Variants in ASTN2 observed in about 807,000 individuals in gnomAD.
The protein encoded by ASTN2 is astrotactin 2.
In ASTN2, 54 loss-of-function variants were observed where a neutral mutation model predicts 139.8. That is an observed-to-expected ratio of 0.39 (90% CI 0.31 to 0.48). The LOEUF (loss-of-function observed/expected upper bound fraction) is 0.48. ASTN2 is among the 20% of genes least tolerant of loss of function. The probability of loss-of-function intolerance (pLI) is 0.95; values close to 1 mark genes in which losing one functional copy is unlikely to be tolerated. For missense variants in ASTN2, 1,565 were observed against 1,725.1 expected, an observed-to-expected ratio of 0.91 and a Z score of 1.64; for synonymous variants, 756 against 719.5, an observed-to-expected ratio of 1.05 and a Z score of -0.81.
intron 5 of ASTN2, among the ~76,000 whole-genome samples, chr9:117,090,906 C>T (rs1828689744): frequency 6.6e-6 from 1 of 152,236 alleles, no homozygotes; most frequent in Non-Finnish European, 1.5e-5. Flanking sequence ...CCACTCCCAC[C>T]ACTAGCCCTC....
chr9:116,712,783 G>T (rs1828201664), intron 16 of ASTN2, among the ~76,000 whole-genome samples: 2 of 152,170 alleles, frequency 1.3e-5, no homozygotes, highest in Non-Finnish European at 2.9e-5. Flanking sequence ...GGAAGAGAAG[G>T]CTCAAAAATA....
chr9:117,284,374 G>C (rs1480973930), intron 2 of ASTN2, among the ~76,000 whole-genome samples: 1 of 152,178 alleles, frequency 6.6e-6, no homozygotes, highest in South Asian at 2.1e-4. Flanking sequence ...CAAAGCGGTA[G>C]GATTACAGGC....
intron 13 of ASTN2, among the ~76,000 whole-genome samples, chr9:116,743,583 C>T (rs944443194): frequency 6.6e-6 from 1 of 151,350 alleles, no homozygotes; most frequent in East Asian, 2.0e-4. Context: ...GTGATCTCGG[C>T]TCACTGAAAC....
intron 15 of ASTN2, among the ~76,000 whole-genome samples, chr9:116,728,571 A>T (rs1828695432): frequency 2.0e-5 from 3 of 152,134 alleles, no homozygotes; most frequent in Admixed American, 2.0e-4. Flanking sequence ...TGTATCGGAG[A>T]TGGACAGGAA....
At chr9:117,023,162 T>G (rs1294484770) in intron 6 of ASTN2, among the ~76,000 whole-genome samples, 1 of 151,880 alleles carries the variant, frequency 6.6e-6, no homozygotes, top group Non-Finnish European at 1.5e-5. Flanking sequence ...ACAGTACAGG[T>G]CCCTGAATCA....
At chr9:116,905,124 C>T (rs1834120103) in intron 10 of ASTN2, among the ~76,000 whole-genome samples, 1 of 152,080 alleles carries the variant, frequency 6.6e-6, no homozygotes, top group Non-Finnish European at 1.5e-5. Context: ...GAAAAGACTG[C>T]CCAGGGAGCT....
chr9:117,136,990 C>T (rs565547403), intron 4 of ASTN2, among the ~76,000 whole-genome samples: 22 of 152,128 alleles, frequency 1.4e-4, no homozygotes, highest in African/African-American at 4.8e-4. Flanking sequence ...TTTCAAAAAC[C>T]GCTACCTAAA....
At chr9:116,683,441 T>C (rs985512008) in intron 16 of ASTN2, among the ~76,000 whole-genome samples, 1 of 152,206 alleles carries the variant, frequency 6.6e-6, no homozygotes, top group Non-Finnish European at 1.5e-5. Context: ...GCAGCTTTAA[T>C]AGTAGCTATA....
chr9:116,736,157 T>C lies in ASTN2; in HGVS notation c.2397-2634A>G, dbSNP rs150656287. ...TTGAGTAATATATTGCTTTCAACCA[T>C]GAGTTAAGTTTTAAAGTTGATTCAA... On this transcript the variant is annotated intron_variant, in intron 13 of 22. Transcript: ENST00000313400. 2.0e-5 allele frequency among the ~76,000 whole-genome samples: 3 copies of C among 152,334 alleles called. No homozygotes were observed. In the East Asian group the frequency reaches 5.8e-4, roughly 29 times the overall value.
At chr9:117,176,582 A>G (rs781106084) in intron 3 of ASTN2, among the ~76,000 whole-genome samples, 4 of 152,180 alleles carry the variant, frequency 2.6e-5, no homozygotes, top group African/African-American at 4.8e-5. Flanking sequence ...ATTGAAGAAA[A>G]AAAAAGATAG....
chr9:116,950,416 T>C (rs1835525379), intron 10 of ASTN2, among the ~76,000 whole-genome samples: 1 of 152,048 alleles, frequency 6.6e-6, no homozygotes. Context: ...GTTAATAAAT[T>C]TGCTGCTGAG....
chr9:116,834,512 A>G (rs10759867), intron 11 of ASTN2, among the ~76,000 whole-genome samples: 36,079 of 152,082 alleles, frequency 0.24, 4,916 homozygotes, highest in East Asian at 0.5. Context: ...CTATGTCTTC[A>G]TGGTAAATGA....
At chr9:116,962,329 T>C in intron 10 of ASTN2, among the ~76,000 whole-genome samples, 1 of 152,210 alleles carries the variant, frequency 6.6e-6, no homozygotes. Flanking sequence ...GTTGGCCAGC[T>C]TGACTAAGCC....
At chr9:117,375,223 G>C (rs1315806260) in intron 1 of ASTN2, among the ~76,000 whole-genome samples, 1 of 152,242 alleles carries the variant, frequency 6.6e-6, no homozygotes, top group East Asian at 1.9e-4. Flanking sequence ...GTCTGGGCCA[G>C]AGTTTGCATG....
Position 117,283,993 on chromosome 9 carries a change from C to T in ASTN2, c.630+7333G>A, listed in dbSNP as rs186985013. On this transcript the variant is annotated intron_variant, in intron 2 of 22. Transcript: ENST00000313400. ...GGCAAAAACCACAGTTACTTTTGCA[C>T]CAGCCTAAATATTTATTGTTTTCAG... Among the ~76,000 whole-genome samples, 228 of 152,202 alleles carry T rather than the reference C, an allele frequency of 1.5e-3. 1 individual carries two copies. Among genetic ancestry groups the T allele is most frequent in the African/African-American group, 5.1e-3 (210 of 41,526 alleles).
intron 4 of ASTN2, among the ~76,000 whole-genome samples, chr9:117,107,447 C>A (rs547101899): frequency 1.3e-5 from 2 of 152,292 alleles, no homozygotes; most frequent in African/African-American, 4.8e-5. Flanking sequence ...ATATGAGTGA[C>A]TATTTCACTG....
intron 10 of ASTN2, among the ~76,000 whole-genome samples, chr9:116,946,262 T>C (rs1489607762): frequency 6.6e-6 from 1 of 152,208 alleles, no homozygotes; most frequent in Non-Finnish European, 1.5e-5. Context: ...TCCCCAGTGA[T>C]CTCTCCCTTC....
chr9:116,965,387 G>T (rs1293067801), intron 10 of ASTN2, among the ~76,000 whole-genome samples: 3 of 152,156 alleles, frequency 2.0e-5, no homozygotes, highest in Non-Finnish European at 4.4e-5. Flanking sequence ...GCCAGGGTTG[G>T]ACTCCTAACA....
chr9:117,380,858 A>G (rs1830252418), intron 1 of ASTN2, among the ~76,000 whole-genome samples: 1 of 152,176 alleles, frequency 6.6e-6, no homozygotes, highest in African/African-American at 2.4e-5. Flanking sequence ...CAGTTCCTCA[A>G]AAACTTAAAC....
Sources: gnomAD v4.1 joint callset for allele counts (sites outside exome capture counted in the v4.1 genomes callset) on GRCh38, gnomAD v4.1.1 for gene constraint, MANE v1.5 for transcripts, NCBI Gene and HGNC (gene_info 2026-07-23, HGNC 2026-07-21) for gene names.